Variants in THADA observed in about 807,000 individuals in gnomAD.
THADA encodes the protein THADA armadillo repeat containing, also known as tRNA (32-2'-O)-methyltransferase regulator THADA.
Under a neutral mutation model 219.8 loss-of-function variants are expected in THADA, and 213 were observed. The observed-to-expected ratio is 0.97, with a 90% confidence interval of 0.87 to 1.09. The LOEUF is 1.09. THADA is among the 50% of genes least tolerant of loss of function. THADA has a pLI of 0.00. For missense variants in THADA, 2,956 were observed against 2,311.3 expected (o/e 1.28, Z -5.72); for synonymous variants, 1,018 against 828.9 (o/e 1.23, Z -3.92).
At chr2:43,445,457 G>T (rs7583188) in intron 26 of THADA, among the ~76,000 whole-genome samples, 4,013 of 152,294 alleles carry the variant, frequency 0.026, 190 homozygotes, top group African/African-American at 0.091. Context: ...TCAGAAAAGA[G>T]ATGTCAGGAG....
At chr2:43,402,636 G>A (rs1012493730) in intron 28 of THADA, among the ~76,000 whole-genome samples, 1 of 152,126 alleles carries the variant, frequency 6.6e-6, no homozygotes, top group Non-Finnish European at 1.5e-5. Flanking sequence ...GACATCTACT[G>A]AGTACCTAGC....
intron 31 of THADA, among the ~76,000 whole-genome samples, chr2:43,317,932 T>C (rs1173597017): frequency 6.6e-6 from 1 of 152,238 alleles, no homozygotes; most frequent in East Asian, 1.9e-4. Flanking sequence ...GGTTATGATG[T>C]CATTTACAAT....
At chr2:43,401,941 T>TG (rs1674899393) in intron 28 of THADA, among the ~76,000 whole-genome samples, 2 of 143,464 alleles carry the variant, frequency 1.4e-5, no homozygotes, top group Admixed American at 6.8e-5. Context: ...TTTTTGTTGT[T>TG]TTTTTTTTTA....
At chr2:43,496,289 G>C (rs1573937233) in intron 25 of THADA, among the ~76,000 whole-genome samples, 2 of 152,208 alleles carry the variant, frequency 1.3e-5, no homozygotes, top group East Asian at 1.9e-4. Context: ...GTTTCTCCCA[G>C]AAATCATAAG....
rs372494683 is a variant in THADA at position 43,287,017 on chromosome 2, C to G, written c.5055G>C (p.Leu1685=). 8 of 1,613,724 alleles carry G rather than the reference C, an allele frequency of 5.0e-6. No individual in the cohort carries two copies. The highest frequency in any genetic ancestry group is 6.8e-6 in the Non-Finnish European group (8 of 1,179,840). ...GATGGTCTTCACATGACAAGATGAC[C>G]AGCTGAACCCACTGCTTCAGCTCAG... ...IAAELKQWVQ[L]VILSCEDHLP... Residue 1685 remains leucine (L), a synonymous_variant, in exon 35 of 38, where the codon CTG becomes CTC. Transcript: ENST00000405975.
In THADA at chr2:43,301,282, A is replaced by G. The variant is rs377501455; in HGVS notation, c.4439-8069T>C. 9.9e-5 allele frequency among the ~76,000 whole-genome samples: 15 copies of G among 152,206 alleles called. 1 individual carries two copies. Among genetic ancestry groups the G allele is most frequent in the African/African-American group, 3.1e-4 (13 of 41,446 alleles). ...GAACTAGAAAATTCACCATGCCCCA[A>G]TTTCTCTTTCAAATAAAAACACCAA... On this transcript the variant is annotated intron_variant, in intron 31 of 37. Coordinates refer to ENST00000405975, the MANE Select transcript of THADA (RefSeq NM_022065.5).
Position 43,382,270 on chromosome 2 carries a change from A to G in THADA, c.4227+15701T>C, listed in dbSNP as rs578163258. Reference sequence around the variant, plus strand: ...TAATGTACCAATTTCTTCCTTAGCCATGACAAATGTTGCATACTAACGTAA... The same window carrying G: ...TAATGTACCAATTTCTTCCTTAGCCGTGACAAATGTTGCATACTAACGTAA... On this transcript the variant is annotated intron_variant, in intron 29 of 37. Transcript: ENST00000405975. Among the ~76,000 whole-genome samples the G allele has an allele frequency of 1.1e-3, 170 of 152,374 alleles. 1 individual carries two copies. Among genetic ancestry groups the G allele is most frequent in the African/African-American group, 3.9e-3 (164 of 41,586 alleles).
At chr2:43,447,139 T>C (rs111812200) in intron 26 of THADA, among the ~76,000 whole-genome samples, 16,845 of 152,028 alleles carry the variant, frequency 0.11, 1,068 homozygotes, top group African/African-American at 0.16. Flanking sequence ...GGAGAGAGAA[T>C]AAGAGCCAAG....
chr2:43,326,042 A>G (rs1018422121), intron 30 of THADA, among the ~76,000 whole-genome samples: 1 of 152,070 alleles, frequency 6.6e-6, no homozygotes, highest in African/African-American at 2.4e-5. Context: ...TTGGCAATTT[A>G]TATCTTACGC....
intron 36 of THADA, among the ~76,000 whole-genome samples, chr2:43,248,164 T>TATATAG (rs1669412946): frequency 3.7e-4 from 15 of 40,930 alleles, no homozygotes; most frequent in South Asian, 1.1e-3. Context: ...TATATATATA[T>TATATAG]AGAGAGAGAG....
intron 22 of THADA, among the ~76,000 whole-genome samples, chr2:43,523,046 T>C (rs991473917): frequency 6.6e-6 from 1 of 152,156 alleles, no homozygotes; most frequent in Non-Finnish European, 1.5e-5. Flanking sequence ...GTGTCTTATT[T>C]AGACACATTT....
chr2:43,578,593 T>G lies in THADA; in HGVS notation c.736A>C (p.Thr246Pro). The G allele has an allele frequency of 1.9e-6, 3 of 1,603,136 alleles. No homozygotes were observed. Among genetic ancestry groups the G allele is most frequent in the Non-Finnish European group, 2.6e-6 (3 of 1,174,270 alleles). ...KVLSDDDLLQ[T>P]VQSTSGLAII... The stretch of plus-strand genomic sequence containing the variant: ...GCTAATCCAGATGTGCTCTGTACAG[T>G]CTGTAACAGATCATCTATTTGGCAA... Residue 246 changes from threonine (T) to proline (P), a missense_variant, in exon 9 of 38, where the codon ACT (threonine) becomes CCT (proline). By Grantham distance (38) the Thr-to-Pro change is conservative (BLOSUM62 -1). Coordinates refer to ENST00000405975, the MANE Select transcript of THADA (RefSeq NM_022065.5).
At position 43,561,635 on chromosome 2, in the gene THADA, G is replaced by T. The variant is rs554178014; in HGVS notation, c.2312-1250C>A. 1.1e-4 allele frequency among the ~76,000 whole-genome samples: 17 copies of T among 152,318 alleles called. No homozygotes were observed. In the South Asian group the frequency reaches 3.5e-3, roughly 32 times the overall value. ...TCATTTAATTTTAATTTACAAGTTA[G>T]AACAACCCTATGAAATTCCTAGAGC... On this transcript the variant is annotated intron_variant, in intron 15 of 37. Transcript: ENST00000405975.
intron 20 of THADA, 87 bp from the exon 21 acceptor site, chr2:43,541,403 G>C (rs750349976): frequency 3.3e-4 from 489 of 1,498,544 alleles, no homozygotes; most frequent in Non-Finnish European, 4.2e-4. Flanking sequence ...ATTTCCCCAA[G>C]AATAATCTGC....
chr2:43,367,735 C>G (rs1316643239), intron 29 of THADA, among the ~76,000 whole-genome samples: 1 of 152,182 alleles, frequency 6.6e-6, no homozygotes, highest in Non-Finnish European at 1.5e-5. Context: ...TACCACTTTT[C>G]TAAAGTTCAC....
At chr2:43,315,613 T>C (rs1392940754) in intron 31 of THADA, among the ~76,000 whole-genome samples, 1 of 151,996 alleles carries the variant, frequency 6.6e-6, no homozygotes, top group African/African-American at 2.4e-5. Context: ...TACAGGCACA[T>C]AACACCATGT....
chr2:43,549,383 T>G lies in THADA; in HGVS notation c.2948-15A>C. ...GCTTGCTGACTCTGAGGGAAAGAAA[T>G]GAGCGTACATGAAACCCAGTAACAC... On this transcript the variant is annotated splice_polypyrimidine_tract_variant and intron_variant, in intron 19 of 37. Coordinates refer to ENST00000405975, the MANE Select transcript of THADA (RefSeq NM_022065.5). The G allele has an allele frequency of 6.3e-7, 1 of 1,592,956 alleles. No individual in the cohort carries two copies. Among genetic ancestry groups the G allele is most frequent in the Non-Finnish European group, 8.5e-7 (1 of 1,170,712 alleles).
At chr2:43,388,286 G>C (rs1231927336) in intron 29 of THADA, among the ~76,000 whole-genome samples, 4 of 152,112 alleles carry the variant, frequency 2.6e-5, no homozygotes, top group Non-Finnish European at 5.9e-5. Flanking sequence ...AAGCCTGACA[G>C]TGTACCCACG....
chr2:43,445,514 G>A (rs1056750507), intron 26 of THADA, among the ~76,000 whole-genome samples: 2 of 152,192 alleles, frequency 1.3e-5, no homozygotes, highest in Admixed American at 6.5e-5. Context: ...TATTCATAGC[G>A]ATGGATCTAC....
Sources: gnomAD v4.1 joint callset for allele counts (sites outside exome capture counted in the v4.1 genomes callset) on GRCh38, gnomAD v4.1.1 for gene constraint, MANE v1.5 for transcripts, NCBI Gene and HGNC (gene_info 2026-07-23, HGNC 2026-07-21) for gene names.